NPAS2: variants seen among roughly 807,000 people sequenced by gnomAD.
NPAS2 encodes neuronal PAS domain protein 2, also known as neuronal PAS domain-containing protein 2.
NPAS2 carries 23 observed loss-of-function variants against 107.5 expected under a neutral mutation model. The observed-to-expected ratio is 0.21, with a 90% CI of 0.15 to 0.30. The LOEUF (loss-of-function observed/expected upper bound fraction) is 0.30. Among genes scored for constraint, NPAS2 ranks in the 10% least tolerant of loss-of-function variants. NPAS2 has a pLI of 1.00. For missense variants in NPAS2, 756 were observed against 1,043.3 expected, an observed-to-expected ratio of 0.72 and a Z score of 3.79; for synonymous variants, 403 against 417.5, an observed-to-expected ratio of 0.97 and a Z score of 0.42.
chr2:100,971,038 C>T lies in NPAS2; in HGVS notation c.1104C>T (p.Asp368=), dbSNP rs775051778. 6.2e-7 allele frequency: 1 copy of T among 1,614,158 alleles called. No homozygotes were observed. The highest frequency in any genetic ancestry group is 8.5e-7 in the Non-Finnish European group (1 of 1,180,026). Reference sequence around the variant, plus strand: ...GGAGGCAGGAGCTGGCTCTGGAAGACCCGCCATCCGAGGCCCTCCACTCCT... The same window carrying T: ...GGAGGCAGGAGCTGGCTCTGGAAGATCCGCCATCCGAGGCCCTCCACTCCT... ...VERRQELALE[D]PPSEALHSSA... The change falls in exon 12 of 21, where the codon GAC becomes GAT. Residue 368 remains aspartate (D), a synonymous_variant. Transcript: ENST00000335681.
At chr2:100,896,728 C>T (rs1681433537) in intron 1 of NPAS2, among the ~76,000 whole-genome samples, 1 of 152,180 alleles carries the variant, frequency 6.6e-6, no homozygotes, top group Non-Finnish European at 1.5e-5. Flanking sequence ...TTGGAGCCAC[C>T]ACGATCATGG....
chr2:100,867,309 T>A (rs1399589790), intron 1 of NPAS2, among the ~76,000 whole-genome samples: 1 of 152,248 alleles, frequency 6.6e-6, no homozygotes, highest in Non-Finnish European at 1.5e-5. Context: ...TCAGTTTTTC[T>A]TTGAGGTATG....
intron 2 of NPAS2, among the ~76,000 whole-genome samples, chr2:100,920,428 G>A (rs1683146977): frequency 6.6e-6 from 1 of 152,000 alleles, no homozygotes; most frequent in South Asian, 2.1e-4. Context: ...AGTTTTTAAG[G>A]GTACTGGAAG....
chr2:100,900,422 A>C (rs1049555844), intron 1 of NPAS2, among the ~76,000 whole-genome samples: 1 of 152,210 alleles, frequency 6.6e-6, no homozygotes, highest in African/African-American at 2.4e-5. Context: ...AAGAAATATT[A>C]CATGTTAGAA....
chr2:100,932,818 C>T lies in NPAS2; in HGVS notation c.182-92C>T, dbSNP rs1684045808. ...AAATTAAACTACACAGAAGTTTACA[C>T]AAAATTACATAGAAGTAACATGTGC... On this transcript the variant is annotated intron_variant, in intron 3 of 20. Transcript: ENST00000335681. 13 of 892,214 alleles carry T rather than the reference C, an allele frequency of 1.5e-5. No individual in the cohort carries two copies. In the South Asian group the frequency reaches 1.9e-4, roughly 13 times the overall value. 55.3% of individuals were successfully genotyped at this position (892,214 alleles called of 1,614,324 possible).
At chr2:100,979,895 C>T (rs1208889933) in intron 15 of NPAS2, among the ~76,000 whole-genome samples, 4 of 152,144 alleles carry the variant, frequency 2.6e-5, no homozygotes, top group African/African-American at 9.7e-5. Context: ...GTTCTTCCCA[C>T]TTCATGTGAA....
intron 1 of NPAS2, among the ~76,000 whole-genome samples, chr2:100,886,725 A>G (rs922318701): frequency 1.3e-5 from 2 of 152,200 alleles, no homozygotes; most frequent in Non-Finnish European, 2.9e-5. Flanking sequence ...GCCTCTCTTC[A>G]TAAATGGTAG....
At chr2:100,919,731 T>C (rs747589787) in intron 2 of NPAS2, among the ~76,000 whole-genome samples, 10 of 152,178 alleles carry the variant, frequency 6.6e-5, no homozygotes, top group Non-Finnish European at 1.2e-4. Context: ...CCTTCTCCAA[T>C]TGAGCCCAAC....
At chr2:100,851,412 T>C (rs1054134085) in intron 1 of NPAS2, among the ~76,000 whole-genome samples, 4 of 152,248 alleles carry the variant, frequency 2.6e-5, no homozygotes, top group Non-Finnish European at 4.4e-5. Context: ...CCTTCTGCAG[T>C]ATACATCAAG....
At position 100,938,002 on chromosome 2, in the gene NPAS2, G is replaced by A. The variant is rs181927714; in HGVS notation, c.363+160G>A. ...TGAGTTTTGGGGACAGGACCAGGCC[G>A]AGGTCAAGGTCCCAGGAGCCTTCCA... On this transcript the variant is annotated intron_variant, in intron 5 of 20. Coordinates refer to ENST00000335681, the MANE Select transcript of NPAS2 (RefSeq NM_002518.4). Among the ~76,000 whole-genome samples the A allele has an allele frequency of 2.9e-3, 447 of 152,338 alleles. 1 individual carries two copies. The highest frequency in any genetic ancestry group is 4.9e-3 in the Non-Finnish European group (335 of 68,032).
chr2:100,882,739 G>A (rs1382719603), intron 1 of NPAS2, among the ~76,000 whole-genome samples: 1 of 152,232 alleles, frequency 6.6e-6, no homozygotes, highest in Non-Finnish European at 1.5e-5. Context: ...GAGTGGTATG[G>A]TCAGCGACCT....
chr2:100,904,952 T>C (rs1682047830), intron 2 of NPAS2, among the ~76,000 whole-genome samples, 166 bp downstream of exon 2: 1 of 152,148 alleles, frequency 6.6e-6, no homozygotes, highest in African/African-American at 2.4e-5. Flanking sequence ...AGAAACCTTC[T>C]AGAGAGCTCA....
rs1187900752 is a variant in NPAS2 at position 100,953,037 on chromosome 2, ATT to A, written c.598+3558_598+3559del. Among the ~76,000 whole-genome samples the A allele has an allele frequency of 6.1e-4, 87 of 142,246 alleles. 4 individuals carry two copies. The highest frequency in any genetic ancestry group is 3.4e-3 in the Middle Eastern group (1 of 290). 93.3% of individuals were successfully genotyped at this position (142,246 alleles called of 152,430 possible). A position where few individuals can be genotyped will look rare whatever the true frequency, so the allele number is the denominator to read the frequency against. The stretch of plus-strand genomic sequence containing the variant: ...TACGTGAAATATCATTCTAACTGGG[ATT>A]AAAATAGCAAAAATTGTCAGAGACA... On this transcript the variant is annotated intron_variant, in intron 7 of 20. Coordinates refer to ENST00000335681, the MANE Select transcript of NPAS2 (RefSeq NM_002518.4).
chr2:100,925,529 A>G (rs1683505341), intron 3 of NPAS2, among the ~76,000 whole-genome samples: 2 of 152,122 alleles, frequency 1.3e-5, no homozygotes, highest in Non-Finnish European at 2.9e-5. Flanking sequence ...ATCCAAAACA[A>G]CCTCACAGGT....
chr2:100,824,268 C>A (rs1676242449), intron 1 of NPAS2, among the ~76,000 whole-genome samples: 1 of 152,206 alleles, frequency 6.6e-6, no homozygotes, highest in Non-Finnish European at 1.5e-5. Flanking sequence ...GCTGTGGAAG[C>A]TAATCAGAGG....
intron 15 of NPAS2, among the ~76,000 whole-genome samples, chr2:100,981,796 T>C (rs890251511): frequency 2.4e-4 from 37 of 152,320 alleles, no homozygotes; most frequent in African/African-American, 7.5e-4. Context: ...CCTGTGAAGC[T>C]GTCACGTACA....
chr2:100,949,381 G>A lies in NPAS2; in HGVS notation c.499G>A (p.Glu167Lys), dbSNP rs1424876119. The A allele has an allele frequency of 1.2e-6, 2 of 1,611,408 alleles. No homozygotes were observed. The highest frequency in any genetic ancestry group is 2.7e-5 in the African/African-American group (2 of 74,888). Residue 167 changes from glutamate (E) to lysine (K), a missense_variant, in exon 7 of 21, where the codon GAG becomes AAG. Physicochemically the swap from Glu to Lys is moderately conservative, Grantham distance 56 (BLOSUM62 1). This residue lies in a region of NPAS2 where 146 missense variants were observed against 249.6 expected (regional missense o/e 0.58). Transcript: ENST00000335681. The part of the protein sequence containing the change: ...PEYLKSDSDL[E>K]FYCHLLRGSL... Reference sequence around the variant, plus strand: ...TAACGGCCCAGCTGACAGCGATTTAGAGTTTTATTGCCATCTTCTCAGAGG... The same window carrying A: ...TAACGGCCCAGCTGACAGCGATTTAAAGTTTTATTGCCATCTTCTCAGAGG...
At chr2:100,860,509 G>A (rs72627422) in intron 1 of NPAS2, among the ~76,000 whole-genome samples, 2 of 152,102 alleles carry the variant, frequency 1.3e-5, no homozygotes, top group Non-Finnish European at 1.5e-5. Flanking sequence ...ACTAGTTTTA[G>A]TATCCATTGA....
chr2:100,895,712 C>T (rs1681373057), intron 1 of NPAS2, among the ~76,000 whole-genome samples: 1 of 152,190 alleles, frequency 6.6e-6, no homozygotes, highest in Admixed American at 6.5e-5. Flanking sequence ...CCCCCATGCC[C>T]CCACTCAGTG....
Sources: allele counts gnomAD v4.1 joint callset (sites outside exome capture counted in the v4.1 genomes callset), GRCh38; gene constraint gnomAD v4.1.1; regional missense constraint gnomAD v4.1.1; transcripts MANE v1.5; gene names NCBI Gene and HGNC (gene_info 2026-07-23, HGNC 2026-07-21).